The following ABLIM2 variants were observed in gnomAD, a reference collection of about 807,000 sequenced individuals.
ABLIM2 encodes the protein actin binding LIM protein family member 2.
ABLIM2 carries 53 observed loss-of-function variants against 97.7 expected under a neutral mutation model. That is an observed-to-expected ratio of 0.54 (90% confidence interval 0.44 to 0.68). The LOEUF (loss-of-function observed/expected upper bound fraction) is 0.68. Ranked by LOEUF, ABLIM2 falls within the 30% of genes least tolerant of loss-of-function variation. The pLI, the probability that ABLIM2 is intolerant of heterozygous loss-of-function variation, is 0.00. For missense variants in ABLIM2, 835 were observed against 867.2 expected, an observed-to-expected ratio of 0.96 and a Z score of 0.47; for synonymous variants, 361 against 345.8, an observed-to-expected ratio of 1.04 and a Z score of -0.49.
At chr4:8,157,838 C>A (rs1386371836) in intron 1 of ABLIM2, among the ~76,000 whole-genome samples, 1 of 152,290 alleles carries the variant, frequency 6.6e-6, no homozygotes, top group African/African-American at 2.4e-5. Flanking sequence ...GGGTCACACC[C>A]TGAAAAATGG....
chr4:8,102,717 GC>G (rs1835291236), intron 2 of ABLIM2, among the ~76,000 whole-genome samples: 1 of 152,204 alleles, frequency 6.6e-6, no homozygotes, highest in Admixed American at 6.5e-5. Context: ...ACAAGTAAGT[GC>G]CTGGGTAGTG....
chr4:8,146,002 G>A (rs914317086), intron 1 of ABLIM2, among the ~76,000 whole-genome samples: 15 of 152,172 alleles, frequency 9.9e-5, no homozygotes, highest in African/African-American at 3.1e-4. Flanking sequence ...TGAAAACATA[G>A]AACAGCAAAG....
rs959158917 is a variant in ABLIM2, at chr4:8,087,121, G to A, written c.454+1048C>T. Among the ~76,000 whole-genome samples, 3 of 152,196 alleles carry A rather than the reference G, an allele frequency of 2.0e-5. No individual in the cohort carries two copies. Among genetic ancestry groups the A allele is most frequent in the Admixed American group, 6.5e-5 (1 of 15,288 alleles). ...TGACACAGGAGAGGAAATTAATTGCGGGCAAGATGTTGACCCCAGAAATCA... is the reference window on the plus strand; with the variant it reads ...TGACACAGGAGAGGAAATTAATTGCAGGCAAGATGTTGACCCCAGAAATCA... On this transcript the variant is annotated intron_variant, in intron 4 of 20. Coordinates refer to ENST00000447017, the MANE Select transcript of ABLIM2 (RefSeq NM_001130083.2). The surrounding 1 kb of genome is among the most constrained non-coding windows in gnomAD (Gnocchi z 4.6).
chr4:8,048,766 C>A (rs761253607), intron 8 of ABLIM2, among the ~76,000 whole-genome samples: 1 of 152,140 alleles, frequency 6.6e-6, no homozygotes, highest in Non-Finnish European at 1.5e-5. Context: ...CAAAGGAGAC[C>A]CACCTTGGAA....
intron 1 of ABLIM2, among the ~76,000 whole-genome samples, 190 bp downstream of exon 1, chr4:8,158,490 G>T (rs1482559476): frequency 6.6e-6 from 1 of 151,984 alleles, no homozygotes; most frequent in Non-Finnish European, 1.5e-5. Flanking sequence ...ACTGAGCTAC[G>T]CGCTCCGGGC....
chr4:8,016,634 G>A (rs1419817945), intron 14 of ABLIM2, among the ~76,000 whole-genome samples: 4 of 152,172 alleles, frequency 2.6e-5, no homozygotes, highest in Non-Finnish European at 1.5e-5. Context: ...ACAAACTAGA[G>A]CCAGGAAAGC....
intron 3 of ABLIM2, among the ~76,000 whole-genome samples, chr4:8,089,664 G>A (rs1398823076): frequency 6.7e-6 from 1 of 149,586 alleles, no homozygotes; most frequent in African/African-American, 2.5e-5. Flanking sequence ...GAACTGGGAG[G>A]TGGAGGTTGC....
In ABLIM2 at chr4:8,113,500, C is replaced by T. The variant is rs1379572061; in HGVS notation, c.11-6863G>A. Among the ~76,000 whole-genome samples, 7 of 152,190 alleles carry T rather than the reference C, an allele frequency of 4.6e-5. No homozygotes were observed. Among genetic ancestry groups the T allele is most frequent in the Non-Finnish European group, 7.3e-5 (5 of 68,040 alleles). On this transcript the variant is annotated intron_variant, in intron 1 of 20. Coordinates refer to ENST00000447017, the MANE Select transcript of ABLIM2 (RefSeq NM_001130083.2). This position sits in a 1 kb window ranked among gnomAD's most constrained non-coding sequence, Gnocchi z 4.5. ...ACTTTGGACCTCTGAGCATGTATTC[C>T]TGGTTTGGCCAAAGACCAGCAGCTG... is the stretch of plus-strand genomic sequence containing the variant.
intron 18 of ABLIM2, among the ~76,000 whole-genome samples, chr4:7,984,115 C>T (rs553415384): frequency 7.3e-6 from 1 of 137,006 alleles, no homozygotes; most frequent in Non-Finnish European, 1.6e-5. Flanking sequence ...CACACAGAAC[C>T]CACAGAAAGC....
At position 8,021,063 on chromosome 4, in the gene ABLIM2, C is replaced by T. The variant is rs1773355741; in HGVS notation, c.1268-760G>A. Among the ~76,000 whole-genome samples the T allele has an allele frequency of 6.6e-6, 1 of 151,826 alleles. No homozygotes were observed. The highest frequency in any genetic ancestry group is 2.4e-5 in the African/African-American group (1 of 41,300). On this transcript the variant is annotated intron_variant, in intron 12 of 20. Transcript: ENST00000447017. The surrounding 1 kb of genome is among the most constrained non-coding windows in gnomAD (Gnocchi z 5.5). ...TAAAGATGGGGTTTTGCCACGTTGC[C>T]CTGGCTGGTCTTGAACTCCTGGGCT... is the stretch of plus-strand genomic sequence containing the variant.
In ABLIM2 at chr4:8,046,142, C is replaced by T. The variant is rs1220565066; in HGVS notation, c.823-901G>A. ...CTGGGACCTGTGTCCTCCTTACATG[C>T]TCGCTGCTGTCTGGGGCCACTCCTC... On this transcript the variant is annotated intron_variant, in intron 8 of 20. Coordinates refer to ENST00000447017, the MANE Select transcript of ABLIM2 (RefSeq NM_001130083.2). The surrounding 1 kb of genome is among the most constrained non-coding windows in gnomAD (Gnocchi z 4.4). Among the ~76,000 whole-genome samples, 3 of 152,166 alleles carry T rather than the reference C, an allele frequency of 2.0e-5. No homozygotes were observed. Among genetic ancestry groups the T allele is most frequent in the African/African-American group, 7.2e-5 (3 of 41,430 alleles).
In ABLIM2 at chr4:8,090,880, T is replaced by G. The variant is rs551012506; in HGVS notation, c.339-2596A>C. ...AATCACAACAGCCATTCCATGCAAC[T>G]GCTGGGGGCTTCTGGGCTGTTTCCA... On this transcript the variant is annotated intron_variant, in intron 3 of 20. Coordinates refer to ENST00000447017, the MANE Select transcript of ABLIM2 (RefSeq NM_001130083.2). Among the ~76,000 whole-genome samples the G allele has an allele frequency of 5.3e-5, 8 of 152,248 alleles. No individual in the cohort carries two copies. In the South Asian group the frequency reaches 1.7e-3, roughly 32 times the overall value.
rs575011081 is a variant in ABLIM2, at chr4:8,021,145, C to T, written c.1268-842G>A. Among the ~76,000 whole-genome samples the T allele has an allele frequency of 4.1e-4, 62 of 152,248 alleles. No individual in the cohort carries two copies. The highest frequency in any genetic ancestry group is 4.6e-4 in the Non-Finnish European group (31 of 68,016). On this transcript the variant is annotated intron_variant, in intron 12 of 20. Coordinates refer to ENST00000447017, the MANE Select transcript of ABLIM2 (RefSeq NM_001130083.2). This position sits in a 1 kb window ranked among gnomAD's most constrained non-coding sequence, Gnocchi z 5.5. ...TGCTGGGATTACAGGCATGAGCCAC[C>T]GCACCCTGGCCACATTCTTAAATAC...
At chr4:8,121,035 TG>T (rs1424344875) in intron 1 of ABLIM2, among the ~76,000 whole-genome samples, 5 of 152,154 alleles carry the variant, frequency 3.3e-5, no homozygotes, top group Non-Finnish European at 7.4e-5. Flanking sequence ...TCATGGTAAG[TG>T]GGGGCCTGTC....
Position 8,017,640 on chromosome 4 carries a change from A to T in ABLIM2, c.1423+1978T>A, listed in dbSNP as rs1178655073. Among the ~76,000 whole-genome samples the T allele has an allele frequency of 2.0e-5, 3 of 152,270 alleles. No individual in the cohort carries two copies. In the East Asian group the frequency reaches 5.8e-4, roughly 29 times the overall value. On this transcript the variant is annotated intron_variant, in intron 14 of 20. Transcript: ENST00000447017. ...AATTTTGGTCCTTGCTTAGGGTTTA[A>T]TCAAACAGGAATTAACTTGCCTTTG...
rs920468653 is a variant in ABLIM2, at chr4:8,155,371, A to G, written c.10+3309T>C. ...GTCCACAGTCTGGGGACTAGGGCTC[A>G]GGTTCGGGCTCTGCCACATCCTCTC... On this transcript the variant is annotated intron_variant, in intron 1 of 20. Coordinates refer to ENST00000447017, the MANE Select transcript of ABLIM2 (RefSeq NM_001130083.2). The surrounding 1 kb of genome is among the most constrained non-coding windows in gnomAD (Gnocchi z 4.2). Among the ~76,000 whole-genome samples, 24 of 152,224 alleles carry G rather than the reference A, an allele frequency of 1.6e-4. No individual in the cohort carries two copies. The highest frequency in any genetic ancestry group is 3.5e-4 in the Non-Finnish European group (24 of 68,040).
At chr4:8,007,543 A>C in intron 16 of ABLIM2, 1 of 985,720 alleles carries the variant, frequency 1.0e-6, no homozygotes, top group Non-Finnish European at 1.2e-6. Flanking sequence ...TTTGAAAATC[A>C]CTCCTGATTC....
rs543345431 is a variant in ABLIM2 at position 8,063,563 on chromosome 4, C to T, written c.676-2509G>A. Reference sequence around the variant, plus strand: ...GAGCTTGAGCAAGGTCACACAGCAGCAGGTGGTAGAGCTGCGGTTACAGTC... The same window carrying T: ...GAGCTTGAGCAAGGTCACACAGCAGTAGGTGGTAGAGCTGCGGTTACAGTC... On this transcript the variant is annotated intron_variant, in intron 6 of 20. Coordinates refer to ENST00000447017, the MANE Select transcript of ABLIM2 (RefSeq NM_001130083.2). Among the ~76,000 whole-genome samples, 203 of 152,364 alleles carry T rather than the reference C, an allele frequency of 1.3e-3. 1 individual carries two copies. In the South Asian group the frequency reaches 0.018, roughly 14 times the overall value.
chr4:8,009,233 C>T (rs1763299988), intron 14 of ABLIM2, 131 bp from the exon 15 acceptor site: 1 of 1,106,886 alleles, frequency 9.0e-7, no homozygotes, highest in African/African-American at 1.5e-5. Context: ...GTACGAGTGC[C>T]TTTCAAAGGG....
Sources: gnomAD v4.1 joint callset for allele counts (sites outside exome capture counted in the v4.1 genomes callset) on GRCh38, gnomAD v4.1.1 for gene constraint, Gnocchi (gnomAD v3.1) non-coding constraint, MANE v1.5 for transcripts, NCBI Gene and HGNC (gene_info 2026-07-23, HGNC 2026-07-21) for gene names.